DEFB119: variants seen among roughly 807,000 people sequenced by gnomAD.
DEFB119 encodes the protein beta-defensin 119.
DEFB119 carries 3 observed loss-of-function variants against 2.5 expected under a neutral mutation model. The ratio of observed to expected loss-of-function variants is 1.19; its 90% CI spans 0.54 to 3.07. The LOEUF (loss-of-function observed/expected upper bound fraction) is 3.07. Ranked by LOEUF, DEFB119 falls within the 30% of genes most tolerant of loss-of-function variation. DEFB119 has a pLI of 0.03. For synonymous variants in DEFB119, 29 were observed against 33.7 expected, an observed-to-expected ratio of 0.86 and a Z score of 0.48; for missense variants, 113 against 101.1, an observed-to-expected ratio of 1.12 and a Z score of -0.50.
At chr20:31,378,270 G>A in intron 1 of DEFB119, 1 of 1,605,038 alleles carries the variant, frequency 6.2e-7, no homozygotes, top group South Asian at 1.1e-5. Context: ...GATGTGACTT[G>A]GAGGCCACAC....
intron 1 of DEFB119, 69 bp from the exon 2 acceptor site, chr20:31,377,508 G>C: frequency 6.6e-7 from 1 of 1,519,612 alleles, no homozygotes; most frequent in Non-Finnish European, 8.9e-7. Context: ...AAGTCGGGAA[G>C]CATCATAAAA....
In DEFB119 at chr20:31,389,168, G is replaced by A. The variant is rs138332918; in HGVS notation, c.61+1255C>T. ...CAGCACCGTTTACGATTTCGGCAGC[G>A]TATGATGCTGTCTTCACCATCTTTG... On this transcript the variant is annotated intron_variant, in intron 1 of 1. Coordinates refer to ENST00000376321, the MANE Select transcript of DEFB119 (RefSeq NM_153289.4). 326 of 1,614,162 alleles carry A rather than the reference G, an allele frequency of 2.0e-4. No individual in the cohort carries two copies. The highest frequency in any genetic ancestry group is 1.1e-3 in the African/African-American group (86 of 75,036).
intron 1 of DEFB119, chr20:31,389,164 C>G: frequency 6.2e-7 from 1 of 1,614,208 alleles, no homozygotes; most frequent in Non-Finnish European, 8.5e-7. Flanking sequence ...ACGATTTCGG[C>G]AGCGTATGAT....
chr20:31,379,880 T>C (rs1456918416), intron 1 of DEFB119, among the ~76,000 whole-genome samples: 1 of 152,100 alleles, frequency 6.6e-6, no homozygotes, highest in East Asian at 1.9e-4. Flanking sequence ...TTAGCCAGGA[T>C]AGCCTCGATT....
At position 31,390,404 on chromosome 20, in the gene DEFB119, C is replaced by T. The variant is rs143499663; in HGVS notation, c.61+19G>A. ...GCCCATGACCAGGAACCCAGACCCC[C>T]GAGAGAGGTTCACGTTACCTGATAT... On this transcript the variant is annotated intron_variant, in intron 1 of 1. Coordinates refer to ENST00000376321, the MANE Select transcript of DEFB119 (RefSeq NM_153289.4). The T allele has an allele frequency of 3.8e-4, 618 of 1,610,574 alleles. 1 individual carries two copies. The African/African-American group carries it at 7.1e-3, about 18-fold the overall frequency.
rs372464953 is a variant in DEFB119 at position 31,389,149 on chromosome 20, C to T, written c.61+1274G>A. ...TAAATAACGACTAGGAACACAGCAC[C>T]GTTTACGATTTCGGCAGCGTATGAT... On this transcript the variant is annotated intron_variant, in intron 1 of 1. Coordinates refer to ENST00000376321, the MANE Select transcript of DEFB119 (RefSeq NM_153289.4). 3.1e-5 allele frequency: 50 copies of T among 1,614,064 alleles called. No individual in the cohort carries two copies. The African/African-American group carries it at 3.9e-4, about 12-fold the overall frequency.
chr20:31,390,250 C>A (rs900460982), intron 1 of DEFB119, among the ~76,000 whole-genome samples, 173 bp downstream of exon 1: 2 of 151,996 alleles, frequency 1.3e-5, no homozygotes, highest in Middle Eastern at 3.4e-3. Flanking sequence ...ATCATCCCAC[C>A]ACTCTGGCAA....
intron 1 of DEFB119, among the ~76,000 whole-genome samples, chr20:31,384,681 A>G (rs1446796452): frequency 3.3e-5 from 5 of 152,222 alleles, no homozygotes; most frequent in African/African-American, 1.2e-4. Flanking sequence ...TCTAGTCTGC[A>G]AGTGTGCTAA....
chr20:31,386,429 A>G (rs913727363), intron 1 of DEFB119, among the ~76,000 whole-genome samples: 7 of 152,204 alleles, frequency 4.6e-5, no homozygotes, highest in African/African-American at 1.7e-4. Context: ...AGTATGCATC[A>G]ACAGATGAAC....
In DEFB119 at chr20:31,390,539, T is replaced by C. The variant is rs1986897230; in HGVS notation, c.-56A>G. 6.5e-7 allele frequency: 1 copy of C among 1,536,682 alleles called. No homozygotes were observed. The highest frequency in any genetic ancestry group is 1.4e-5 in the African/African-American group (1 of 72,810). On this transcript the variant is annotated 5_prime_UTR_variant, in exon 1 of 2. Transcript: ENST00000376321. Reference sequence around the variant, plus strand: ...GAGCTGCAGGGGAAGGAAATAGGGTTCCCTGCAGCACGGCAGAGATGAGCT... The same window carrying C: ...GAGCTGCAGGGGAAGGAAATAGGGTCCCCTGCAGCACGGCAGAGATGAGCT...
chr20:31,387,829 C>T (rs139963711), intron 1 of DEFB119, among the ~76,000 whole-genome samples: 322 of 152,262 alleles, frequency 2.1e-3, no homozygotes, highest in African/African-American at 7.0e-3. Context: ...AGAGGCTCCT[C>T]GTGGGCATAT....
At chr20:31,378,451 A>G in intron 1 of DEFB119, 1 of 1,607,764 alleles carries the variant, frequency 6.2e-7, no homozygotes, top group Non-Finnish European at 8.5e-7. Context: ...ATCTCATAAC[A>G]TAATAATATC....
chr20:31,385,118 CTA>C (rs1473995951), intron 1 of DEFB119, among the ~76,000 whole-genome samples: 3 of 152,184 alleles, frequency 2.0e-5, no homozygotes, highest in African/African-American at 7.2e-5. Context: ...CTAGACAAGA[CTA>C]TTATTCTGCT....
chr20:31,381,067 A>G (rs1302170924), intron 1 of DEFB119, among the ~76,000 whole-genome samples: 1 of 152,124 alleles, frequency 6.6e-6, no homozygotes, highest in Non-Finnish European at 1.5e-5. Flanking sequence ...GTGCCTCTTC[A>G]TTTATTTAGC....
intron 1 of DEFB119, among the ~76,000 whole-genome samples, chr20:31,385,888 C>G (rs1651849780): frequency 1.3e-5 from 2 of 151,364 alleles, no homozygotes; most frequent in Non-Finnish European, 2.9e-5. Context: ...AAAAGAGAGA[C>G]AGATAGTGAG....
At chr20:31,378,261 A>T in intron 1 of DEFB119, 2 of 1,588,434 alleles carry the variant, frequency 1.3e-6, no homozygotes, top group East Asian at 2.2e-5. Flanking sequence ...ACTCCCTGAG[A>T]TGTGACTTGG....
At chr20:31,382,023 G>C (rs1002728632) in intron 1 of DEFB119, among the ~76,000 whole-genome samples, 10 of 152,178 alleles carry the variant, frequency 6.6e-5, no homozygotes, top group Non-Finnish European at 1.3e-4. Flanking sequence ...GCAGATCTTC[G>C]TGGTGATGGA....
intron 1 of DEFB119, among the ~76,000 whole-genome samples, chr20:31,381,656 A>T (rs1986510472): frequency 6.6e-6 from 1 of 152,138 alleles, no homozygotes; most frequent in Non-Finnish European, 1.5e-5. Context: ...TACAAAAAAT[A>T]AAAAATTAGC....
chr20:31,385,242 AT>A (rs1473251950), intron 1 of DEFB119, among the ~76,000 whole-genome samples: 1 of 152,178 alleles, frequency 6.6e-6, no homozygotes, highest in Non-Finnish European at 1.5e-5. Context: ...CTCAGGCCTC[AT>A]TTTAGGATTC....
Sources: allele counts gnomAD v4.1 joint callset (sites outside exome capture counted in the v4.1 genomes callset), GRCh38; gene constraint gnomAD v4.1.1; transcripts MANE v1.5; gene names NCBI Gene and HGNC (gene_info 2026-07-23, HGNC 2026-07-21).